VPS51: variants seen among roughly 807,000 people sequenced by gnomAD.
The protein encoded by VPS51 is VPS51 subunit of GARP complex.
Under a neutral mutation model 65.1 loss-of-function variants are expected in VPS51, and 55 were observed. The ratio of observed to expected loss-of-function variants is 0.84; its 90% CI spans 0.68 to 1.06. The LOEUF (loss-of-function observed/expected upper bound fraction) is 1.06. Among genes scored for constraint, VPS51 ranks in the 50% least tolerant of loss-of-function variants. The pLI is 0.00. For missense variants in VPS51, 943 were observed against 1,101.6 expected (o/e 0.86, Z 2.04); for synonymous variants, 473 against 489.5 (o/e 0.97, Z 0.44).
chr11:65,108,014 G>T lies in VPS51; in HGVS notation c.717G>T (p.Gln239His). The change falls in exon 4 of 10, where the codon CAG becomes CAT. Residue 239 changes from glutamine to histidine, a missense_variant. By Grantham distance (24) the Gln-to-His change is conservative (BLOSUM62 0). Transcript: ENST00000279281. ...ITARLAQQLR[Q>H]RFREGGSGAP... Reference sequence around the variant, plus strand: ...CCCGCCTGGCCCAGCAGCTGCGGCAGCGCTTTAGGTGTGGCCCCTCTGCCC... The same window carrying T: ...CCCGCCTGGCCCAGCAGCTGCGGCATCGCTTTAGGTGTGGCCCCTCTGCCC... The T allele has an allele frequency of 6.6e-7, 1 of 1,526,512 alleles. No homozygotes were observed. The highest frequency in any genetic ancestry group is 8.8e-7 in the Non-Finnish European group (1 of 1,138,290). 94.6% of individuals were successfully genotyped at this position (1,526,512 alleles called of 1,614,324 possible).
At chr11:65,100,682 C>G (rs1193589942) in intron 2 of VPS51, among the ~76,000 whole-genome samples, 1 of 151,938 alleles carries the variant, frequency 6.6e-6, no homozygotes, top group East Asian at 1.9e-4. Context: ...AGGTGTGCAC[C>G]ATCACACCCG....
Position 65,096,489 on chromosome 11 carries a change from A to C in VPS51, c.228+11A>C, listed in dbSNP as rs1947769772. The C allele has an allele frequency of 6.4e-6, 4 of 623,442 alleles. No homozygotes were observed. Among genetic ancestry groups the C allele is most frequent in the African/African-American group, 2.4e-5 (1 of 40,862 alleles). The allele number at this position is 623,442 out of a possible 1,614,324, so 38.6% of individuals were successfully genotyped here. On this transcript the variant is annotated intron_variant, in intron 1 of 9. Transcript: ENST00000279281. Reference sequence around the variant, plus strand: ...GTTTACCTAGACAAGGTGTGTGCGCACGGGGAGTGGGGGGGTGCGGGGAGG... The same window carrying C: ...GTTTACCTAGACAAGGTGTGTGCGCCCGGGGAGTGGGGGGGTGCGGGGAGG...
chr11:65,102,816 T>C lies in VPS51; in HGVS notation c.359-4765T>C, dbSNP rs539056107. On this transcript the variant is annotated intron_variant, in intron 2 of 9. Transcript: ENST00000279281. ...TCACTGCATAGCGCTGCCTTTGCTA[T>C]GTCCTTTAGTTCACCATCTATGAAT... is the stretch of plus-strand genomic sequence containing the variant. Among the ~76,000 whole-genome samples, 18 of 152,306 alleles carry C rather than the reference T, an allele frequency of 1.2e-4. No individual in the cohort carries two copies. The East Asian group carries it at 3.5e-3, about 29-fold the overall frequency.
At position 65,110,736 on chromosome 11, in the gene VPS51, A is replaced by G; in HGVS notation, c.2043A>G (p.Leu681=). ...ACCTCTTGAGCAATATCCAGAAGCT[A>G]TTCTCTGAACGTATTGATGTGTTCA... The part of the protein sequence containing the change: ...DTNLLSNIQK[L]FSERIDVFSP... Residue 681 remains leucine, a synonymous_variant, in exon 9 of 10, where the codon CTA becomes CTG. Coordinates refer to ENST00000279281, the MANE Select transcript of VPS51 (RefSeq NM_013265.4). 6.2e-7 allele frequency: 1 copy of G among 1,614,186 alleles called. No individual in the cohort carries two copies. Among genetic ancestry groups the G allele is most frequent in the Non-Finnish European group, 8.5e-7 (1 of 1,180,030 alleles).
chr11:65,107,956 G>T lies in VPS51; in HGVS notation c.659G>T (p.Arg220Leu). 6.4e-7 allele frequency: 1 copy of T among 1,567,402 alleles called. No individual in the cohort carries two copies. Among genetic ancestry groups the T allele is most frequent in the East Asian group, 2.4e-5 (1 of 41,922 alleles). Residue 220 changes from arginine to leucine, a missense_variant, in exon 4 of 10, where the codon CGC (arginine) becomes CTC (leucine). Arg to Leu is a moderately radical substitution (Grantham distance 102). Transcript: ENST00000279281. This position sits in a 1 kb window ranked among gnomAD's most constrained non-coding sequence, Gnocchi z 4.0. ...CAGTACCAACACCTGCCCTCGTTCC[G>T]CGCCATCCAGGACGACTGCCAGGTC... ...LQQYQHLPSF[R>L]AIQDDCQVIT...
Position 65,107,804 on chromosome 11 carries a change from G to T in VPS51, c.507G>T (p.Gly169=). The change falls in exon 4 of 10, where the codon GGG becomes GGT. Residue 169 remains glycine, a splice_region_variant and synonymous_variant. Coordinates refer to ENST00000279281, the MANE Select transcript of VPS51 (RefSeq NM_013265.4). This position sits in a 1 kb window ranked among gnomAD's most constrained non-coding sequence, Gnocchi z 4.0. ...DRHERITKLA[G]VHALLRKLQF... ...CTAACGTCACCCTCCGTCCCCCAGG[G>T]GTCCACGCGCTGCTGCGGAAGCTGC... 6.3e-7 allele frequency: 1 copy of T among 1,582,726 alleles called. No homozygotes were observed.
Position 65,096,497 on chromosome 11 carries a change from T to C in VPS51, c.228+19T>C. 2 of 628,488 alleles carry C rather than the reference T, an allele frequency of 3.2e-6. No homozygotes were observed. Among genetic ancestry groups the C allele is most frequent in the East Asian group, 4.6e-5 (1 of 21,558 alleles). 38.9% of individuals were successfully genotyped at this position (628,488 alleles called of 1,614,324 possible). A position where few individuals can be genotyped will look rare whatever the true frequency, so the allele number is the denominator to read the frequency against. ...AGACAAGGTGTGTGCGCACGGGGAGTGGGGGGGTGCGGGGAGGGGGGAAGG... is the reference window on the plus strand; with the variant it reads ...AGACAAGGTGTGTGCGCACGGGGAGCGGGGGGGTGCGGGGAGGGGGGAAGG... On this transcript the variant is annotated intron_variant, in intron 1 of 9. Coordinates refer to ENST00000279281, the MANE Select transcript of VPS51 (RefSeq NM_013265.4).
rs766610118 is a variant in VPS51, at chr11:65,096,261, C to G, written c.11C>G (p.Ala4Gly). 4 of 1,519,688 alleles carry G rather than the reference C, an allele frequency of 2.6e-6. No homozygotes were observed. The highest frequency in any genetic ancestry group is 8.8e-7 in the Non-Finnish European group (1 of 1,137,622). 94.1% of individuals were successfully genotyped at this position (1,519,688 alleles called of 1,614,324 possible). Residue 4 changes from alanine (A) to glycine (G), a missense_variant, in exon 1 of 10, where the codon GCA (alanine) becomes GGA (glycine). Physicochemically the swap from Ala to Gly is moderately conservative, Grantham distance 60. Coordinates refer to ENST00000279281, the MANE Select transcript of VPS51 (RefSeq NM_013265.4). The stretch of plus-strand genomic sequence containing the variant: ...GCTGCAGTTGGAACGATGGCGGCGG[C>G]AGCTGCCGCCGGGCCTAGCCCGGGG... MAA[A>G]AAAGPSPGSG...
chr11:65,111,637 G>T lies in VPS51; in HGVS notation c.*50G>T. On this transcript the variant is annotated 3_prime_UTR_variant, in exon 10 of 10. Transcript: ENST00000279281. Reference sequence around the variant, plus strand: ...CTGTCCCTGCACCCCATGGCACCCAGGATCTGGTCTCGGTGGTCCTTCCCC... The same window carrying T: ...CTGTCCCTGCACCCCATGGCACCCATGATCTGGTCTCGGTGGTCCTTCCCC... 1 of 1,551,210 alleles carries T rather than the reference G, an allele frequency of 6.4e-7. No individual in the cohort carries two copies. Among genetic ancestry groups the T allele is most frequent in the Non-Finnish European group, 8.7e-7 (1 of 1,151,444 alleles).
In VPS51 at chr11:65,109,736, T is replaced by C. The variant is rs1201772058; in HGVS notation, c.1691T>C (p.Leu564Pro). 6.3e-7 allele frequency: 1 copy of C among 1,588,292 alleles called. No homozygotes were observed. Among genetic ancestry groups the C allele is most frequent in the Non-Finnish European group, 8.6e-7 (1 of 1,167,416 alleles). ...TTCCCAGTGACGCCCGTGAGCACGC[T>C]GTGTGCAGAGGCCAGGGAAACGGCG... Reference protein sequence around the residue: ...DQFPVTPVSTLCAEARETARR... With the variant: ...DQFPVTPVSTPCAEARETARR... The change falls in exon 7 of 10, where the codon CTG (leucine) becomes CCG (proline). Residue 564 changes from leucine to proline, a missense_variant. Around this residue, in one of 2 missense-constraint regions of VPS51, gnomAD observed 855 missense variants for 953.7 expected, o/e 0.90. Coordinates refer to ENST00000279281, the MANE Select transcript of VPS51 (RefSeq NM_013265.4).
In VPS51 at chr11:65,111,410, G is replaced by A; in HGVS notation, c.2172G>A (p.Gly724=). The stretch of plus-strand genomic sequence containing the variant: ...GGCTGCGCACCTTTGGGCGCTTCGG[G>A]CTGCAGCAGGTGCAAGTGGACTGCC... ...CVRLRTFGRF[G]LQQVQVDCHF... is the part of the protein sequence containing the mutation. Residue 724 remains glycine (G), a synonymous_variant, in exon 10 of 10, where the codon GGG becomes GGA. Coordinates refer to ENST00000279281, the MANE Select transcript of VPS51 (RefSeq NM_013265.4). 6.2e-7 allele frequency: 1 copy of A among 1,613,436 alleles called. No individual in the cohort carries two copies. Among genetic ancestry groups the A allele is most frequent in the Non-Finnish European group, 8.5e-7 (1 of 1,180,038 alleles).
Position 65,107,625 on chromosome 11 carries a change from G to C in VPS51, c.403G>C (p.Glu135Gln), listed in dbSNP as rs778672289. The C allele has an allele frequency of 1.2e-6, 2 of 1,604,310 alleles. No individual in the cohort carries two copies. The highest frequency in any genetic ancestry group is 1.7e-6 in the Non-Finnish European group (2 of 1,172,052). Reference protein sequence around the residue: ...MKNDFRKMEDEMDRLATNMAV... With the variant: ...MKNDFRKMEDQMDRLATNMAV... The stretch of plus-strand genomic sequence containing the variant: ...GAACGATTTCCGGAAGATGGAGGAT[G>C]AGATGGACCGGCTGGCCACCAACAT... Residue 135 changes from glutamate (E) to glutamine (Q), a missense_variant, in exon 3 of 10, where the codon GAG becomes CAG. Coordinates refer to ENST00000279281, the MANE Select transcript of VPS51 (RefSeq NM_013265.4). The surrounding 1 kb of genome is among the most constrained non-coding windows in gnomAD (Gnocchi z 4.0).
rs910415794 is a variant in VPS51, at chr11:65,096,399, G to A, written c.149G>A (p.Gly50Glu). The A allele has an allele frequency of 1.3e-6, 2 of 1,533,208 alleles. No homozygotes were observed. The highest frequency in any genetic ancestry group is 1.7e-6 in the Non-Finnish European group (2 of 1,149,316). The allele number at this position is 1,533,208 out of a possible 1,614,324, so 95.0% of individuals were successfully genotyped here. The change falls in exon 1 of 10, where the codon GGA becomes GAA. Residue 50 changes from glycine to glutamate, a missense_variant. By Grantham distance (98) the Gly-to-Glu change is moderately conservative (BLOSUM62 -2). This residue lies in a region of VPS51 where 855 missense variants were observed against 953.7 expected (regional missense o/e 0.90). Coordinates refer to ENST00000279281, the MANE Select transcript of VPS51 (RefSeq NM_013265.4). ...GGCCTCTCGGAAGGGGAGGCGGCGG[G>A]ACGCCCCGCGGGGCCCGACCCCCTG... ...YYGLSEGEAA[G>E]RPAGPDPLDP... is the part of the protein sequence containing the mutation.
Position 65,111,471 on chromosome 11 carries a change from G to T in VPS51, c.2233G>T (p.Asp745Tyr), listed in dbSNP as rs1947901399. 6.2e-7 allele frequency: 1 copy of T among 1,613,984 alleles called. No homozygotes were observed. The highest frequency in any genetic ancestry group is 8.5e-7 in the Non-Finnish European group (1 of 1,180,042). ...GCTCTACCTGTGGCGTTTTGTGGCC[G>T]ACGAAGAACTCGTGCACTTGCTGCT... ...LQLYLWRFVA[D>Y]EELVHLLLDE... The change falls in exon 10 of 10, where the codon GAC becomes TAC. Residue 745 changes from aspartate (D) to tyrosine (Y), a missense_variant. Around this residue, in one of 2 missense-constraint regions of VPS51, gnomAD observed 88 missense variants for 147.8 expected, o/e 0.60. Coordinates refer to ENST00000279281, the MANE Select transcript of VPS51 (RefSeq NM_013265.4).
In VPS51 at chr11:65,107,555, C is replaced by G. The variant is rs759682175; in HGVS notation, c.359-26C>G. 3 of 1,560,716 alleles carry G rather than the reference C, an allele frequency of 1.9e-6. No individual in the cohort carries two copies. Among genetic ancestry groups the G allele is most frequent in the African/African-American group, 2.7e-5 (2 of 74,106 alleles). On this transcript the variant is annotated intron_variant, in intron 2 of 9. Coordinates refer to ENST00000279281, the MANE Select transcript of VPS51 (RefSeq NM_013265.4). This position sits in a 1 kb window ranked among gnomAD's most constrained non-coding sequence, Gnocchi z 4.0. ...CCCGCCCTGCAGTCACCTGCTCTCCCCTTTTCCCCGCCCCTGCCCTCCTAG... is the reference window on the plus strand; with the variant it reads ...CCCGCCCTGCAGTCACCTGCTCTCCGCTTTTCCCCGCCCCTGCCCTCCTAG...
intron 2 of VPS51, among the ~76,000 whole-genome samples, chr11:65,105,173 G>A (rs1947833565): frequency 1.3e-5 from 2 of 152,126 alleles, no homozygotes; most frequent in South Asian, 4.1e-4. Context: ...GCCGAGGCGG[G>A]TGGATCACTT....
rs57895567 is a variant in VPS51, at chr11:65,111,034, T to C, written c.2088+253T>C. ...GACCTGGGATTACTGTTTGCCCTTG[T>C]CCTTATCCCCACAGTAGTCTTGGGT... On this transcript the variant is annotated intron_variant, in intron 9 of 9. Transcript: ENST00000279281. 5.9e-3 allele frequency: 3,970 copies of C among 673,326 alleles called. 119 individuals carry two copies. The African/African-American group carries it at 0.062, about 11-fold the overall frequency. 41.7% of individuals were successfully genotyped at this position (673,326 alleles called of 1,614,324 possible).
Position 65,109,917 on chromosome 11 carries a change from CGTGCAG to C in VPS51, c.1877_1878+4del. The C allele has an allele frequency of 6.3e-7, 1 of 1,597,858 alleles. No individual in the cohort carries two copies. Among genetic ancestry groups the C allele is most frequent in the Non-Finnish European group, 8.5e-7 (1 of 1,175,130 alleles). ...TGGTGGAGGATACCACCGCCATCGA[CGTGCAG>C]GTGCTGCCCAGGCTGGCCGGGGTAG... On this transcript the variant is annotated inframe_deletion and splice_region_variant, in exon 7 of 10. Transcript: ENST00000279281.
intron 2 of VPS51, among the ~76,000 whole-genome samples, chr11:65,100,114 TAATAATA>T (rs1205384110): frequency 2.0e-5 from 3 of 151,870 alleles, no homozygotes; most frequent in African/African-American, 7.3e-5. Flanking sequence ...AAAATAATAA[TAATAATA>T]AATAATAATA....
Sources: allele counts gnomAD v4.1 joint callset (sites outside exome capture counted in the v4.1 genomes callset), GRCh38; gene constraint gnomAD v4.1.1; regional missense constraint gnomAD v4.1.1; non-coding constraint Gnocchi (gnomAD v3.1); transcripts MANE v1.5; gene names NCBI Gene and HGNC (gene_info 2026-07-23, HGNC 2026-07-21).